CHRNB4: variants seen among roughly 807,000 people sequenced by gnomAD.
CHRNB4 encodes neuronal acetylcholine receptor subunit beta-4.
CHRNB4 carries 23 observed loss-of-function variants against 40.4 expected under a neutral mutation model. The observed-to-expected ratio is 0.57, with a 90% CI of 0.41 to 0.81. CHRNB4 has a LOEUF of 0.81. Among genes scored for constraint, CHRNB4 ranks in the 30% least tolerant of loss-of-function variants. The pLI is 0.00. For synonymous variants in CHRNB4, 285 were observed against 274.4 expected (o/e 1.04, Z -0.38); for missense variants, 568 against 670.6 (o/e 0.85, Z 1.69).
upstream of CHRNB4, chr15:78,661,428 A>G: frequency 1.9e-6 from 1 of 517,872 alleles, no homozygotes; most frequent in South Asian, 1.7e-5. Flanking sequence ...TGAGCAACAG[A>G]GTGACCGGTT....
At chr15:78,660,164 G>A (rs996324215) in intron 1 of CHRNB4, among the ~76,000 whole-genome samples, 8 of 150,238 alleles carry the variant, frequency 5.3e-5, no homozygotes, top group African/African-American at 1.5e-4. Flanking sequence ...TCGAGATCAC[G>A]CCACTGCACT....
At chr15:78,638,356 C>T (rs1307227836) in intron 1 of CHRNB4, among the ~76,000 whole-genome samples, 1 of 152,240 alleles carries the variant, frequency 6.6e-6, no homozygotes, top group Admixed American at 6.5e-5. Context: ...GAACTTTAGA[C>T]CATTTAGCCC....
chr15:78,631,063 C>G lies in CHRNB4; in HGVS notation c.359+13G>C. On this transcript the variant is annotated intron_variant, in intron 4 of 5. Coordinates refer to ENST00000261751, the MANE Select transcript of CHRNB4 (RefSeq NM_000750.5). ...CTGGCTGTCACCAGGCCTCCACCAA[C>G]CCTGCCACTCACTTGTTGTAAAGCA... 6.2e-7 allele frequency: 1 copy of G among 1,610,690 alleles called. No individual in the cohort carries two copies. The highest frequency in any genetic ancestry group is 8.5e-7 in the Non-Finnish European group (1 of 1,177,338).
At chr15:78,644,865 C>T (rs1181422953), upstream of CHRNB4, among the ~76,000 whole-genome samples, 2 of 152,196 alleles carry the variant, frequency 1.3e-5, no homozygotes, top group East Asian at 3.9e-4. Context: ...GGTGCCCTCT[C>T]CATACCCCTT....
At chr15:78,632,498 A>G (rs1430270201) in intron 2 of CHRNB4, among the ~76,000 whole-genome samples, 2 of 151,940 alleles carry the variant, frequency 1.3e-5, no homozygotes, top group Non-Finnish European at 2.9e-5. Context: ...TTTTGTGGAG[A>G]TGGGGATTCA....
At chr15:78,640,780 G>A (rs532472131) in intron 1 of CHRNB4, among the ~76,000 whole-genome samples, 19 of 152,354 alleles carry the variant, frequency 1.2e-4, no homozygotes, top group East Asian at 5.8e-4. Flanking sequence ...CTGCAAAGCC[G>A]GTGTCATCCA....
At position 78,631,145 on chromosome 15, in the gene CHRNB4, T is replaced by C. The variant is rs1362693408; in HGVS notation, c.290A>G (p.Tyr97Cys). ...GATCCTCAGGATGTTCACACCCTCG[T>C]AGCGGGAGCTGTTCCAGGTCAGGCG... is the stretch of plus-strand genomic sequence containing the variant. ...DYRLTWNSSR[Y>C]EGVNILRIPA... Residue 97 changes from tyrosine (Y) to cysteine (C), a missense_variant, in exon 4 of 6, where the codon TAC becomes TGC. By Grantham distance (194) the Tyr-to-Cys change is radical. This residue lies in a region of CHRNB4 where 161 missense variants were observed against 148.1 expected (regional missense o/e 1.09). Coordinates refer to ENST00000261751, the MANE Select transcript of CHRNB4 (RefSeq NM_000750.5). The C allele has an allele frequency of 6.2e-7, 1 of 1,614,250 alleles. No individual in the cohort carries two copies.
At chr15:78,645,735 CAGAA>C (rs2054117494), upstream of CHRNB4, among the ~76,000 whole-genome samples, 1 of 151,994 alleles carries the variant, frequency 6.6e-6, no homozygotes, top group Non-Finnish European at 1.5e-5. Flanking sequence ...CTCCTTCAAG[CAGAA>C]CCCAAATGAA....
chr15:78,634,653 T>C, intron 2 of CHRNB4: 1 of 453,060 alleles, frequency 2.2e-6, no homozygotes. Context: ...CCCTTGGTGG[T>C]CTCTTTCCCC....
At chr15:78,633,433 G>A (rs1390991058) in intron 2 of CHRNB4, among the ~76,000 whole-genome samples, 1 of 152,144 alleles carries the variant, frequency 6.6e-6, no homozygotes, top group Non-Finnish European at 1.5e-5. Flanking sequence ...GCCCTCATAA[G>A]AATGGATCAA....
At chr15:78,657,181 C>G (rs1240203670) in intron 3 of CHRNB4, among the ~76,000 whole-genome samples, 1 of 152,046 alleles carries the variant, frequency 6.6e-6, no homozygotes, top group East Asian at 1.9e-4. Context: ...CATGCCCCCA[C>G]GACTGGCTAA....
chr15:78,625,900 C>A lies in CHRNB4; in HGVS notation c.1339-609G>T, dbSNP rs952621509. The stretch of plus-strand genomic sequence containing the variant: ...CTGCGGGGTGTGAGGTTGGCAGAGA[C>A]CTGGCTGGCCTCCAGAGGGGCCACC... On this transcript the variant is annotated intron_variant, in intron 5 of 5. Transcript: ENST00000261751. The A allele has an allele frequency of 2.0e-5, 3 of 152,340 alleles. No individual in the cohort carries two copies. The East Asian group carries it at 5.8e-4, about 29-fold the overall frequency. The allele number at this position is 152,340 out of a possible 1,614,324, so 9.4% of individuals were successfully genotyped here.
intron 1 of CHRNB4, among the ~76,000 whole-genome samples, chr15:78,639,555 C>T (rs1287210425): frequency 6.6e-6 from 1 of 152,194 alleles, no homozygotes; most frequent in Non-Finnish European, 1.5e-5. Context: ...GCCTCTGCCT[C>T]CCAAAGTGCT....
At chr15:78,638,634 G>GA (rs1352085799) in intron 1 of CHRNB4, among the ~76,000 whole-genome samples, 2 of 152,024 alleles carry the variant, frequency 1.3e-5, no homozygotes, top group Non-Finnish European at 2.9e-5. Context: ...GGGCCGGGGG[G>GA]GTGGTGCACT....
At chr15:78,660,032 C>G (rs1179526658) in intron 1 of CHRNB4, among the ~76,000 whole-genome samples, 3 of 151,984 alleles carry the variant, frequency 2.0e-5, no homozygotes, top group African/African-American at 7.3e-5. Flanking sequence ...CATGGTGAAA[C>G]CCCTTCTCTA....
At chr15:78,655,653 A>G (rs2054208291) in exon 5 of CHRNB4, 1 of 152,130 alleles carries the variant, frequency 6.6e-6, no homozygotes, top group Admixed American at 6.5e-5. Flanking sequence ...CTCGAGCAAC[A>G]GAGCGAGACC....
intron 3 of CHRNB4, among the ~76,000 whole-genome samples, chr15:78,656,956 T>C (rs1025929048): frequency 6.6e-6 from 1 of 152,208 alleles, no homozygotes; most frequent in Non-Finnish European, 1.5e-5. Flanking sequence ...GTTCCAGGCA[T>C]GTATCTCTCA....
At chr15:78,625,397 G>A (rs536855951) in intron 5 of CHRNB4, 106 bp from the exon 6 acceptor site, 22 of 1,091,048 alleles carry the variant, frequency 2.0e-5, no homozygotes, top group East Asian at 2.0e-4. Flanking sequence ...GGCCACAGGC[G>A]TGGAACTGCA....
chr15:78,646,164 G>T (rs1424425261), upstream of CHRNB4, among the ~76,000 whole-genome samples: 1 of 152,100 alleles, frequency 6.6e-6, no homozygotes, highest in Non-Finnish European at 1.5e-5. Flanking sequence ...AAATGTTGAG[G>T]GGGATGTACA....
Sources: gnomAD v4.1 joint callset for allele counts (sites outside exome capture counted in the v4.1 genomes callset) on GRCh38, gnomAD v4.1.1 for gene constraint, gnomAD v4.1.1 regional missense constraint, MANE v1.5 for transcripts, NCBI Gene and HGNC (gene_info 2026-07-23, HGNC 2026-07-21) for gene names.